Variants in PDE4D observed in about 807,000 individuals in gnomAD.
The protein encoded by PDE4D is 3',5'-cyclic-AMP phosphodiesterase 4D.
Under a neutral mutation model 87.4 loss-of-function variants are expected in PDE4D, and 24 were observed. That is an observed-to-expected ratio of 0.27 (90% CI 0.20 to 0.39). The LOEUF (loss-of-function observed/expected upper bound fraction) is 0.39, where lower values mean the gene tolerates loss of function less well. PDE4D is among the 10% of genes least tolerant of loss of function. The pLI is 1.00. For synonymous variants in PDE4D, 384 were observed against 383.2 expected (o/e 1.00, Z -0.02); for missense variants, 714 against 1,041.0 (o/e 0.69, Z 4.32).
intron 1 of PDE4D, among the ~76,000 whole-genome samples, chr5:59,792,406 G>A (rs1371127691): frequency 6.7e-6 from 1 of 149,132 alleles, no homozygotes; most frequent in East Asian, 2.0e-4. Context: ...AAGAAGCTGT[G>A]TGTGTGTGTG....
chr5:60,373,774 G>C (rs1761215601), intron 1 of PDE4D, among the ~76,000 whole-genome samples: 1 of 152,140 alleles, frequency 6.6e-6, no homozygotes, highest in South Asian at 2.1e-4. Flanking sequence ...CTATTTTCCT[G>C]CTTTTTCTGG....
chr5:58,999,614 G>A, intron 6 of PDE4D: 2 of 1,206,886 alleles, frequency 1.7e-6, no homozygotes, highest in South Asian at 3.0e-5. Flanking sequence ...TCAAAATCTC[G>A]ACACTTTAAC....
intron 3 of PDE4D, among the ~76,000 whole-genome samples, chr5:59,959,435 C>T (rs999544157): frequency 3.3e-5 from 5 of 151,920 alleles, no homozygotes; most frequent in African/African-American, 1.2e-4. Flanking sequence ...AGAACAAAGC[C>T]AGAGGCATCA....
chr5:60,518,609 A>G (rs895090800), intron 1 of PDE4D, among the ~76,000 whole-genome samples: 2 of 152,224 alleles, frequency 1.3e-5, no homozygotes, highest in African/African-American at 4.8e-5. Context: ...GAGTTCATAC[A>G]CACACTCAAG....
chr5:59,445,152 A>G (rs1461227903), intron 1 of PDE4D, among the ~76,000 whole-genome samples: 1 of 152,138 alleles, frequency 6.6e-6, no homozygotes, highest in African/African-American at 2.4e-5. Context: ...CTGAATTCCA[A>G]TCGATCTGGA....
At chr5:58,985,131 T>G (rs1225881478) in intron 11 of PDE4D, among the ~76,000 whole-genome samples, 2 of 152,136 alleles carry the variant, frequency 1.3e-5, no homozygotes, top group African/African-American at 4.8e-5. Flanking sequence ...GCCAGGCTGG[T>G]CTCCGAACTC....
intron 1 of PDE4D, among the ~76,000 whole-genome samples, chr5:60,252,187 A>T (rs952475469): frequency 6.6e-6 from 1 of 152,058 alleles, no homozygotes; most frequent in Non-Finnish European, 1.5e-5. Flanking sequence ...TATATTTCTC[A>T]GATTGTATGC....
At chr5:59,014,033 C>CAAAG (rs1321042604) in intron 6 of PDE4D, among the ~76,000 whole-genome samples, 4 of 152,248 alleles carry the variant, frequency 2.6e-5, no homozygotes, top group East Asian at 3.9e-4. Flanking sequence ...TAAACAGAAC[C>CAAAG]AAAGACAAAA....
At chr5:60,509,420 G>A (rs542562628) in intron 1 of PDE4D, among the ~76,000 whole-genome samples, 9 of 152,290 alleles carry the variant, frequency 5.9e-5, no homozygotes, top group East Asian at 3.9e-4. Flanking sequence ...CAGAAGCGCC[G>A]CAAGGATTGC....
chr5:60,452,341 G>T (rs185842993), intron 1 of PDE4D, among the ~76,000 whole-genome samples: 3 of 152,100 alleles, frequency 2.0e-5, no homozygotes, highest in Non-Finnish European at 2.9e-5. Context: ...ATTGGGAAAA[G>T]GTTGGACTGC....
intron 5 of PDE4D, among the ~76,000 whole-genome samples, chr5:59,155,537 C>T (rs1780046845): frequency 6.6e-6 from 1 of 152,126 alleles, no homozygotes; most frequent in African/African-American, 2.4e-5. Flanking sequence ...GGTAGAGCAA[C>T]TTGACTGAAA....
At chr5:59,537,291 A>G (rs1182156691) in intron 1 of PDE4D, among the ~76,000 whole-genome samples, 3 of 152,246 alleles carry the variant, frequency 2.0e-5, no homozygotes, top group African/African-American at 4.8e-5. Flanking sequence ...TGTATTTCAC[A>G]TAGAAGCTTT....
chr5:59,357,339 T>C (rs1288409292), intron 1 of PDE4D, among the ~76,000 whole-genome samples: 1 of 152,198 alleles, frequency 6.6e-6, no homozygotes, highest in Non-Finnish European at 1.5e-5. Flanking sequence ...CTGACAAAGA[T>C]TACTAAATTT....
At chr5:59,820,376 G>C (rs1392400025) in intron 1 of PDE4D, among the ~76,000 whole-genome samples, 1 of 152,154 alleles carries the variant, frequency 6.6e-6, no homozygotes, top group Non-Finnish European at 1.5e-5. Context: ...CTCAGATGAG[G>C]CTCACTTTTG....
chr5:60,279,363 A>G (rs1418129894), intron 1 of PDE4D, among the ~76,000 whole-genome samples: 1 of 152,170 alleles, frequency 6.6e-6, no homozygotes, highest in Non-Finnish European at 1.5e-5. Flanking sequence ...GACACTGAGA[A>G]TAGAAATGGA....
Position 59,393,064 on chromosome 5 carries a change from A to C in PDE4D, c.456-177096T>G, listed in dbSNP as rs150389168. Among the ~76,000 whole-genome samples, 3 of 152,254 alleles carry C rather than the reference A, an allele frequency of 2.0e-5. No individual in the cohort carries two copies. The East Asian group carries it at 5.8e-4, about 29-fold the overall frequency. On this transcript the variant is annotated intron_variant, in intron 1 of 14. Transcript: ENST00000340635. ...TGAATGAAAAGAAAAAGTAATGATG[A>C]CTAAAATTTCTAGACTGGATAATTA...
chr5:60,184,231 T>C (rs1784601012), intron 2 of PDE4D, among the ~76,000 whole-genome samples: 2 of 152,038 alleles, frequency 1.3e-5, no homozygotes, highest in Admixed American at 6.5e-5. Context: ...CAAAATATCC[T>C]CCCTTTTGCC....
intron 1 of PDE4D, among the ~76,000 whole-genome samples, chr5:60,396,481 C>T (rs1313932562): frequency 6.6e-6 from 1 of 152,138 alleles, no homozygotes; most frequent in African/African-American, 2.4e-5. Context: ...TTCCCTCTCT[C>T]TCTGGTTCTA....
At chr5:59,175,806 T>TTTTTTTTC (rs1491338945) in intron 5 of PDE4D, among the ~76,000 whole-genome samples, 1 of 87,860 alleles carries the variant, frequency 1.1e-5, no homozygotes, top group African/African-American at 4.0e-5. Context: ...TTTTTTTTTT[T>TTTTTTTTC]ACTTTAGGAG....
Sources: gnomAD v4.1 joint callset for allele counts (sites outside exome capture counted in the v4.1 genomes callset) on GRCh38, gnomAD v4.1.1 for gene constraint, MANE v1.5 for transcripts, NCBI Gene and HGNC (gene_info 2026-07-23, HGNC 2026-07-21) for gene names.